DYNC2H1: variants seen among roughly 807,000 people sequenced by gnomAD.
The protein encoded by DYNC2H1 is dynein cytoplasmic 2 heavy chain 1, also known as cytoplasmic dynein 2 heavy chain 1.
A neutral mutation model predicts 570.0 loss-of-function variants in DYNC2H1; 410 were observed. The observed-to-expected ratio is 0.72, with a 90% CI of 0.66 to 0.78. The LOEUF is 0.78. Ranked by LOEUF, DYNC2H1 falls within the 30% of genes least tolerant of loss-of-function variation. The probability of loss-of-function intolerance (pLI) is 0.00; values close to 1 mark genes in which losing one functional copy is unlikely to be tolerated. For missense variants in DYNC2H1, 4,865 were observed against 5,046.4 expected (o/e 0.96, Z 1.09); for synonymous variants, 1,688 against 1,677.6 (o/e 1.01, Z -0.15).
intron 59 of DYNC2H1, among the ~76,000 whole-genome samples, chr11:103,227,749 C>T (rs575306747): frequency 7.2e-5 from 11 of 152,226 alleles, no homozygotes; most frequent in Middle Eastern, 3.4e-3. Flanking sequence ...GACTTTCTGT[C>T]TTGATGACTT....
At chr11:103,419,622 A>G (rs1469616390) in intron 84 of DYNC2H1, among the ~76,000 whole-genome samples, 5 of 151,942 alleles carry the variant, frequency 3.3e-5, no homozygotes, top group Admixed American at 6.6e-5. Context: ...CCCTACAAAA[A>G]CCCCAAAGGT....
At position 103,268,146 on chromosome 11, in the gene DYNC2H1, A is replaced by C. The variant is rs1411570565; in HGVS notation, c.10695+8169A>C. 6.6e-6 allele frequency among the ~76,000 whole-genome samples: 1 copy of C among 152,030 alleles called. No individual in the cohort carries two copies. Among genetic ancestry groups the C allele is most frequent in the Non-Finnish European group, 1.5e-5 (1 of 67,920 alleles). On this transcript the variant is annotated intron_variant, in intron 70 of 88. Coordinates refer to ENST00000375735, the MANE Select transcript of DYNC2H1 (RefSeq NM_001377.3). This position sits in a 1 kb window ranked among gnomAD's most constrained non-coding sequence, Gnocchi z 4.6. ...GTCCAAGGATTGCTTTATAAATCTTATTGAATATTAGCAGATTGCTTTCTG... is the reference window on the plus strand; with the variant it reads ...GTCCAAGGATTGCTTTATAAATCTTCTTGAATATTAGCAGATTGCTTTCTG...
chr11:103,274,962 G>A (rs1054805812), intron 70 of DYNC2H1, among the ~76,000 whole-genome samples: 6 of 151,946 alleles, frequency 3.9e-5, no homozygotes, highest in Non-Finnish European at 7.4e-5. Context: ...AGGTGTGGTG[G>A]CGGGCACCTA....
chr11:103,272,930 TA>T (rs1488783843), intron 70 of DYNC2H1, among the ~76,000 whole-genome samples: 2 of 152,168 alleles, frequency 1.3e-5, no homozygotes, highest in Non-Finnish European at 2.9e-5. Flanking sequence ...GATATTAAAA[TA>T]TTTTTAAACA....
At chr11:103,307,309 A>G (rs1867338660) in intron 77 of DYNC2H1, among the ~76,000 whole-genome samples, 1 of 152,178 alleles carries the variant, frequency 6.6e-6, no homozygotes, top group Non-Finnish European at 1.5e-5. Context: ...GTGAGAATCT[A>G]AAGACCTTAA....
At chr11:103,178,346 A>G (rs1289923709) in intron 38 of DYNC2H1, among the ~76,000 whole-genome samples, 1 of 152,108 alleles carries the variant, frequency 6.6e-6, no homozygotes, top group African/African-American at 2.4e-5. Flanking sequence ...TTAATTAATA[A>G]TTATTTTTCT....
At chr11:103,346,907 A>G (rs1236530701) in intron 82 of DYNC2H1, among the ~76,000 whole-genome samples, 6 of 152,218 alleles carry the variant, frequency 3.9e-5, no homozygotes, top group Non-Finnish European at 8.8e-5. Flanking sequence ...AATCCATTAG[A>G]TGGAAGGTTG....
Position 103,158,986 on chromosome 11 carries a change from A to T in DYNC2H1, c.4337A>T (p.Asn1446Ile). 6.2e-7 allele frequency: 1 copy of T among 1,613,544 alleles called. No homozygotes were observed. Among genetic ancestry groups the T allele is most frequent in the Non-Finnish European group, 8.5e-7 (1 of 1,179,732 alleles). Residue 1446 changes from asparagine to isoleucine, a missense_variant, in exon 28 of 89, where the codon AAC becomes ATC. By Grantham distance (149) the Asn-to-Ile change is moderately radical (BLOSUM62 -3). Coordinates refer to ENST00000375735, the MANE Select transcript of DYNC2H1 (RefSeq NM_001377.3). ...TTAGAAATATTGGGCCAGTCTACCA[A>T]CCCATCAGTGATTCAGTCTCACCTG... ...DLLEILGQST[N>I]PSVIQSHLKK...
intron 9 of DYNC2H1, 106 bp from the exon 10 acceptor site, chr11:103,121,266 A>T: frequency 6.9e-6 from 9 of 1,310,394 alleles, no homozygotes; most frequent in Non-Finnish European, 9.2e-6. Flanking sequence ...GGACCAACTC[A>T]TTATTTTTCT....
intron 82 of DYNC2H1, among the ~76,000 whole-genome samples, chr11:103,351,038 C>T (rs1022928548): frequency 6.6e-6 from 1 of 152,056 alleles, no homozygotes; most frequent in Non-Finnish European, 1.5e-5. Context: ...GCAAACTATC[C>T]CAAAACTTAG....
rs147368819 is a variant in DYNC2H1, at chr11:103,186,697, T to G, written c.6893+196T>G. 0.011 allele frequency among the ~76,000 whole-genome samples: 1,740 copies of G among 151,800 alleles called. 22 individuals carry two copies. The highest frequency in any genetic ancestry group is 0.026 in the South Asian group (127 of 4,804). On this transcript the variant is annotated intron_variant, in intron 42 of 88. Transcript: ENST00000375735. The surrounding 1 kb of genome is among the most constrained non-coding windows in gnomAD (Gnocchi z 4.5). ...CCTTTTCTTTTCCAGGTTGTGTGAT[T>G]TCTACTGGAAAGACAGCAATCTGAG...
In DYNC2H1 at chr11:103,188,524, G is replaced by C; in HGVS notation, c.7168G>C (p.Glu2390Gln). The change falls in exon 44 of 89, where the codon GAA (glutamate) becomes CAA (glutamine). Residue 2390 changes from glutamate (E) to glutamine (Q), a missense_variant. Around this residue, in one of 5 missense-constraint regions of DYNC2H1, gnomAD observed 2,401 missense variants for 2,454.6 expected, o/e 0.98. Transcript: ENST00000375735. ...QVLTYQGFYD[E>Q]NLEWVGLENI... ...ATTGACGTATCAAGGATTTTATGAT[G>C]AAAATTTGGAATGGGTTGGTCTAGA... The C allele has an allele frequency of 6.2e-7, 1 of 1,606,790 alleles. No homozygotes were observed. The highest frequency in any genetic ancestry group is 8.5e-7 in the Non-Finnish European group (1 of 1,175,392).
chr11:103,290,153 G>T (rs1000722678), intron 75 of DYNC2H1, among the ~76,000 whole-genome samples: 2 of 152,102 alleles, frequency 1.3e-5, no homozygotes, highest in Admixed American at 1.3e-4. Flanking sequence ...TGAACCTTTT[G>T]AGGGACAGGG....
In DYNC2H1 at chr11:103,302,756, A is replaced by G. The variant is rs967442289; in HGVS notation, c.11096-337A>G. Among the ~76,000 whole-genome samples, 8 of 152,054 alleles carry G rather than the reference A, an allele frequency of 5.3e-5. No homozygotes were observed. The East Asian group carries it at 1.3e-3, about 26-fold the overall frequency. ...ATGGTTGGGTTCAGTCTTCTCTTGCATTGTGGTCTCAATTTACAGTACAGC... is the reference window on the plus strand; with the variant it reads ...ATGGTTGGGTTCAGTCTTCTCTTGCGTTGTGGTCTCAATTTACAGTACAGC... On this transcript the variant is annotated intron_variant, in intron 75 of 88. Transcript: ENST00000375735.
chr11:103,206,783 A>G (rs1862942336), intron 52 of DYNC2H1, among the ~76,000 whole-genome samples: 1 of 152,194 alleles, frequency 6.6e-6, no homozygotes, highest in Non-Finnish European at 1.5e-5. Flanking sequence ...GCAGTTAGTA[A>G]TGGAAAAAGC....
At chr11:103,384,270 G>A (rs896051730) in intron 83 of DYNC2H1, among the ~76,000 whole-genome samples, 2 of 152,044 alleles carry the variant, frequency 1.3e-5, no homozygotes, top group Non-Finnish European at 2.9e-5. Flanking sequence ...TCATCGTAAA[G>A]TGATTCCCTT....
chr11:103,367,357 A>G (rs774171136), intron 83 of DYNC2H1, among the ~76,000 whole-genome samples: 1 of 152,160 alleles, frequency 6.6e-6, no homozygotes, highest in Non-Finnish European at 1.5e-5. Flanking sequence ...AAAGTTTTAA[A>G]ATCATCTAGG....
rs562786411 is a variant in DYNC2H1 at position 103,241,167 on chromosome 11, T to G, written c.9820-2526T>G. On this transcript the variant is annotated intron_variant, in intron 63 of 88. Coordinates refer to ENST00000375735, the MANE Select transcript of DYNC2H1 (RefSeq NM_001377.3). The surrounding 1 kb of genome is among the most constrained non-coding windows in gnomAD (Gnocchi z 5.1). Reference sequence around the variant, plus strand: ...CCTCTTGATGATGAAATTTTTATTTTTGCATCTTTATTGCCTGTAAAGTTA... The same window carrying G: ...CCTCTTGATGATGAAATTTTTATTTGTGCATCTTTATTGCCTGTAAAGTTA... Among the ~76,000 whole-genome samples the G allele has an allele frequency of 1.2e-3, 180 of 152,322 alleles. No homozygotes were observed. The highest frequency in any genetic ancestry group is 2.1e-3 in the Non-Finnish European group (140 of 68,030).
chr11:103,427,529 C>G (rs1165028287), intron 84 of DYNC2H1, among the ~76,000 whole-genome samples: 1 of 152,104 alleles, frequency 6.6e-6, no homozygotes, highest in Non-Finnish European at 1.5e-5. Flanking sequence ...CAACAAAATA[C>G]TGTAGACTAG....
Sources: allele counts gnomAD v4.1 joint callset (sites outside exome capture counted in the v4.1 genomes callset), GRCh38; gene constraint gnomAD v4.1.1; regional missense constraint gnomAD v4.1.1; non-coding constraint Gnocchi (gnomAD v3.1); transcripts MANE v1.5; gene names NCBI Gene and HGNC (gene_info 2026-07-23, HGNC 2026-07-21).